The following MCPH1 variants were observed in gnomAD, a reference collection of about 807,000 sequenced individuals.
The protein encoded by MCPH1 is microcephalin 1, also known as microcephalin.
In MCPH1, 104 loss-of-function variants were observed where a neutral mutation model predicts 84.5. The observed-to-expected ratio is 1.23, with a 90% CI of 1.05 to 1.45. The LOEUF (loss-of-function observed/expected upper bound fraction) is 1.45. Ranked by LOEUF, MCPH1 falls within the 40% of genes most tolerant of loss-of-function variation. The probability of loss-of-function intolerance (pLI) is 0.00; values close to 1 mark genes in which losing one functional copy is unlikely to be tolerated. For synonymous variants in MCPH1, 514 were observed against 366.8 expected (o/e 1.40, Z -4.58); for missense variants, 1,498 against 1,005.7 (o/e 1.49, Z -6.62).
intron 6 of MCPH1, among the ~76,000 whole-genome samples, chr8:6,441,248 G>T (rs914831151): frequency 6.6e-6 from 1 of 152,206 alleles, no homozygotes; most frequent in African/African-American, 2.4e-5. Flanking sequence ...TTGTTTCAGT[G>T]TGCAATTATG....
At chr8:6,517,400 T>G (rs1415525345) in intron 12 of MCPH1, among the ~76,000 whole-genome samples, 2 of 152,106 alleles carry the variant, frequency 1.3e-5, no homozygotes, top group African/African-American at 4.8e-5. Context: ...CCTGTGAAAT[T>G]TAGGGAAGGA....
intron 11 of MCPH1, among the ~76,000 whole-genome samples, chr8:6,497,626 G>A (rs1811390708): frequency 6.6e-6 from 1 of 152,198 alleles, no homozygotes. Flanking sequence ...TGGACTTTGG[G>A]TGATAATGAT....
At chr8:6,453,822 G>A (rs957700195) in intron 8 of MCPH1, among the ~76,000 whole-genome samples, 1 of 152,134 alleles carries the variant, frequency 6.6e-6, no homozygotes, top group African/African-American at 2.4e-5. Context: ...ACCTGAGGAG[G>A]TACGGGATCA....
intron 13 of MCPH1, among the ~76,000 whole-genome samples, chr8:6,634,513 G>A (rs1450021198): frequency 2.6e-5 from 4 of 152,182 alleles, no homozygotes; most frequent in African/African-American, 9.7e-5. Context: ...CTGTGCAAAT[G>A]CAGCAGGCAC....
chr8:6,423,228 C>T (rs1308048470), intron 3 of MCPH1, among the ~76,000 whole-genome samples: 4 of 121,642 alleles, frequency 3.3e-5, no homozygotes, highest in Admixed American at 1.1e-4. Flanking sequence ...CTCGCTCTGT[C>T]GCCCAGGCTG....
chr8:6,612,027 C>G (rs913938676), intron 12 of MCPH1, among the ~76,000 whole-genome samples: 3 of 152,144 alleles, frequency 2.0e-5, no homozygotes, highest in Non-Finnish European at 4.4e-5. Context: ...TTTCAACCCT[C>G]CAAAGATTGG....
At chr8:6,471,618 G>C (rs942911946) in intron 9 of MCPH1, among the ~76,000 whole-genome samples, 8 of 152,166 alleles carry the variant, frequency 5.3e-5, no homozygotes, top group Non-Finnish European at 8.8e-5. Flanking sequence ...TCCTTCAGTA[G>C]TTCATCTGGG....
intron 12 of MCPH1, chr8:6,514,540 G>C: frequency 1.4e-6 from 1 of 737,748 alleles, no homozygotes; most frequent in South Asian, 1.7e-5. Context: ...CTTTAAAGGG[G>C]AGACTGAAGC....
Position 6,636,404 on chromosome 8 carries a change from G to C in MCPH1, c.2453-6590G>C, listed in dbSNP as rs114362307. Among the ~76,000 whole-genome samples, 352 of 151,556 alleles carry C rather than the reference G, an allele frequency of 2.3e-3. 3 individuals are homozygous for C. Among genetic ancestry groups the C allele is most frequent in the African/African-American group, 8.3e-3 (341 of 41,270 alleles). On this transcript the variant is annotated intron_variant, in intron 13 of 13. Coordinates refer to ENST00000344683, the MANE Select transcript of MCPH1 (RefSeq NM_024596.5). ...CCACACAACCACTGATTGTCCACAT[G>C]GGGGTGAGGGCTGAGATAGTGATAC...
At chr8:6,542,551 A>G (rs1042525237) in intron 12 of MCPH1, among the ~76,000 whole-genome samples, 6 of 150,976 alleles carry the variant, frequency 4.0e-5, no homozygotes, top group African/African-American at 1.5e-4. Flanking sequence ...GTCTCCCAAC[A>G]CCCCATCCCG....
intron 12 of MCPH1, among the ~76,000 whole-genome samples, chr8:6,556,819 C>A (rs1174529964): frequency 6.6e-6 from 1 of 151,982 alleles, no homozygotes; most frequent in Non-Finnish European, 1.5e-5. Flanking sequence ...GAACTCCTGG[C>A]CTCAAAGTGT....
intron 12 of MCPH1, among the ~76,000 whole-genome samples, chr8:6,614,125 G>T (rs192132092): frequency 4.7e-4 from 71 of 152,284 alleles, no homozygotes; most frequent in Admixed American, 1.6e-3. Context: ...ATTTTAGAAG[G>T]TTAGACTCCT....
intron 9 of MCPH1, among the ~76,000 whole-genome samples, chr8:6,464,422 A>G (rs1392634670): frequency 1.3e-5 from 2 of 152,244 alleles, no homozygotes; most frequent in East Asian, 3.8e-4. Context: ...AAATATTTCT[A>G]CAGAAAACAT....
At chr8:6,619,697 G>A (rs1455077157) in intron 12 of MCPH1, among the ~76,000 whole-genome samples, 2 of 152,070 alleles carry the variant, frequency 1.3e-5, no homozygotes, top group African/African-American at 4.8e-5. Context: ...CCATTCTCCT[G>A]CCTCAGCCTC....
chr8:6,552,672 T>A (rs2959761), intron 12 of MCPH1, among the ~76,000 whole-genome samples: 2,551 of 152,310 alleles, frequency 0.017, 71 homozygotes, highest in African/African-American at 0.054. Flanking sequence ...CTAGCCATCA[T>A]CTTATTTGAA....
At chr8:6,489,890 G>C (rs3020287) in intron 11 of MCPH1, among the ~76,000 whole-genome samples, 8,960 of 152,244 alleles carry the variant, frequency 0.059, 622 homozygotes, top group African/African-American at 0.16. Context: ...TAATGAAAAA[G>C]TTGCTGTATT....
chr8:6,450,914 C>T lies in MCPH1; in HGVS notation c.1826-4229C>T, dbSNP rs372792142. 2.3e-4 allele frequency among the ~76,000 whole-genome samples: 35 copies of T among 152,166 alleles called. No homozygotes were observed. The East Asian group carries it at 6.4e-3, about 28-fold the overall frequency. ...CAGGCCACCACACTCGGCTACGTTC[C>T]CCAGGCTGGTCTCCAACTTCTGAGC... is the stretch of plus-strand genomic sequence containing the variant. On this transcript the variant is annotated intron_variant, in intron 8 of 13. Coordinates refer to ENST00000344683, the MANE Select transcript of MCPH1 (RefSeq NM_024596.5).
chr8:6,594,455 G>A (rs1272049361), intron 12 of MCPH1, among the ~76,000 whole-genome samples: 1 of 152,144 alleles, frequency 6.6e-6, no homozygotes, highest in Non-Finnish European at 1.5e-5. Context: ...TCATTCGTGG[G>A]CCCTCATAGA....
Position 6,512,847 on chromosome 8 carries a change from G to C in MCPH1, c.2214+12918G>C, listed in dbSNP as rs2922902. Reference sequence around the variant, plus strand: ...AACACCCAGGGAATGCTGTGAATCTGATGTATTTCCTGTAGAGGAGAGCAG... The same window carrying C: ...AACACCCAGGGAATGCTGTGAATCTCATGTATTTCCTGTAGAGGAGAGCAG... On this transcript the variant is annotated intron_variant, in intron 12 of 13. Transcript: ENST00000344683. 9.1e-3 allele frequency among the ~76,000 whole-genome samples: 1,390 copies of C among 152,314 alleles called. 25 individuals carry two copies. The highest frequency in any genetic ancestry group is 0.031 in the African/African-American group (1,296 of 41,552).
Sources: allele counts gnomAD v4.1 joint callset (sites outside exome capture counted in the v4.1 genomes callset), GRCh38; gene constraint gnomAD v4.1.1; transcripts MANE v1.5; gene names NCBI Gene and HGNC (gene_info 2026-07-23, HGNC 2026-07-21).